The following ZNF385D variants were observed in gnomAD, a reference collection of about 807,000 sequenced individuals.
ZNF385D encodes the protein zinc finger protein 385D, also known as zinc finger protein 659.
A neutral mutation model predicts 35.8 loss-of-function variants in ZNF385D; 15 were observed. That is an observed-to-expected ratio of 0.42 (90% CI 0.28 to 0.64). The LOEUF (loss-of-function observed/expected upper bound fraction) is 0.64. ZNF385D is among the 30% of genes least tolerant of loss of function. ZNF385D has a pLI of 0.23. For missense variants in ZNF385D, 474 were observed against 494.6 expected (o/e 0.96, Z 0.39); for synonymous variants, 212 against 186.8 (o/e 1.13, Z -1.10).
chr3:22,027,079 C>T (rs1697602126), intron 3 of ZNF385D, among the ~76,000 whole-genome samples: 1 of 152,178 alleles, frequency 6.6e-6, no homozygotes, highest in Non-Finnish European at 1.5e-5. Context: ...AGCAATTTGC[C>T]TTCAGCTGGC....
intron 3 of ZNF385D, among the ~76,000 whole-genome samples, chr3:21,765,110 T>C (rs537145531): frequency 6.6e-6 from 1 of 152,202 alleles, no homozygotes; most frequent in South Asian, 2.1e-4. Flanking sequence ...TACAGTAGTA[T>C]TTTCATTAAA....
intron 3 of ZNF385D, among the ~76,000 whole-genome samples, chr3:21,929,986 A>G (rs1700921193): frequency 6.6e-6 from 1 of 152,102 alleles, no homozygotes. Context: ...GACCCAGAAT[A>G]GACAAAACAA....
chr3:21,978,080 T>C (rs892441378), intron 3 of ZNF385D: 4 of 152,140 alleles, frequency 2.6e-5, no homozygotes, highest in Non-Finnish European at 5.9e-5. Flanking sequence ...CAGTCTTCTC[T>C]TCCAGATAGA....
intron 3 of ZNF385D, among the ~76,000 whole-genome samples, chr3:21,557,517 C>G (rs2062784277): frequency 6.6e-6 from 1 of 152,142 alleles, no homozygotes; most frequent in African/African-American, 2.4e-5. Context: ...ATGAAGCTGA[C>G]TTGATCGTGG....
At chr3:22,327,108 AG>A (rs1694712828) in intron 2 of ZNF385D, among the ~76,000 whole-genome samples, 1 of 152,188 alleles carries the variant, frequency 6.6e-6, no homozygotes, top group African/African-American at 2.4e-5. Context: ...TATTGACTAA[AG>A]TGAATTCTGA....
intron 3 of ZNF385D, among the ~76,000 whole-genome samples, chr3:21,899,606 C>G (rs912764655): frequency 6.6e-6 from 1 of 152,116 alleles, no homozygotes; most frequent in South Asian, 2.1e-4. Flanking sequence ...TGTGAATAAA[C>G]ATTTATCAGT....
rs565977762 is a variant in ZNF385D, at chr3:21,430,016, A to G, written c.674-4346T>C. ...AAGGAAGGAAAGCTCTCTCAAATCT[A>G]CGTACCTGGAATGTGTAATTAGCAT... On this transcript the variant is annotated intron_variant, in intron 5 of 7. Coordinates refer to ENST00000281523, the MANE Select transcript of ZNF385D (RefSeq NM_024697.3). 2.0e-5 allele frequency among the ~76,000 whole-genome samples: 3 copies of G among 152,162 alleles called. No individual in the cohort carries two copies. In the South Asian group the frequency reaches 6.2e-4, roughly 32 times the overall value.
At chr3:21,745,480 C>A (rs1055327507) in intron 1 of ZNF385D, among the ~76,000 whole-genome samples, 1 of 152,114 alleles carries the variant, frequency 6.6e-6, no homozygotes, top group Non-Finnish European at 1.5e-5. Flanking sequence ...TTTAACGCTG[C>A]GACAGAGCAA....
intron 3 of ZNF385D, among the ~76,000 whole-genome samples, chr3:21,520,919 G>A (rs1707864457): frequency 6.6e-6 from 1 of 152,216 alleles, no homozygotes; most frequent in South Asian, 2.1e-4. Context: ...ATTGAGTATG[G>A]CATCATTAAC....
At chr3:21,435,537 T>C (rs1454477243) in intron 5 of ZNF385D, among the ~76,000 whole-genome samples, 5 of 152,042 alleles carry the variant, frequency 3.3e-5, no homozygotes, top group Non-Finnish European at 7.4e-5. Context: ...AGTGTTGAGA[T>C]TACAGGTGTA....
intron 3 of ZNF385D, among the ~76,000 whole-genome samples, chr3:22,090,435 T>C (rs569401574): frequency 3.9e-5 from 6 of 152,142 alleles, no homozygotes; most frequent in African/African-American, 1.2e-4. Flanking sequence ...CTTGACCTTA[T>C]GGTAATAATG....
chr3:22,108,053 G>A (rs890642333), intron 3 of ZNF385D, among the ~76,000 whole-genome samples: 1 of 151,586 alleles, frequency 6.6e-6, no homozygotes, highest in East Asian at 1.9e-4. Context: ...AGATGTCAGT[G>A]TATTGATCTT....
At chr3:22,290,870 T>C (rs1347820793) in intron 2 of ZNF385D, among the ~76,000 whole-genome samples, 1 of 152,156 alleles carries the variant, frequency 6.6e-6, no homozygotes, top group East Asian at 1.9e-4. Flanking sequence ...TTAATGGCTC[T>C]GTAGTATCCA....
chr3:21,832,412 G>C lies in ZNF385D; in HGVS notation c.326-167384C>G, dbSNP rs140257756. Among the ~76,000 whole-genome samples, 62 of 152,184 alleles carry C rather than the reference G, an allele frequency of 4.1e-4. 1 individual carries two copies. The highest frequency in any genetic ancestry group is 1.3e-3 in the African/African-American group (56 of 41,534). On this transcript the variant is annotated intron_variant, in intron 3 of 5. Transcript: ENST00000494108. ...AACAAATAATTTGAAAATTGCTAGGGCTTGCTGTGTGTTTATGAGTAGAAA... is the reference window on the plus strand; with the variant it reads ...AACAAATAATTTGAAAATTGCTAGGCCTTGCTGTGTGTTTATGAGTAGAAA...
chr3:21,816,525 A>G (rs1575705759), intron 3 of ZNF385D, among the ~76,000 whole-genome samples: 1 of 152,122 alleles, frequency 6.6e-6, no homozygotes, highest in Non-Finnish European at 1.5e-5. Context: ...AAGCATTCCT[A>G]TGCACCAATA....
intron 2 of ZNF385D, among the ~76,000 whole-genome samples, chr3:22,341,472 C>CAA (rs1695417140): frequency 6.6e-6 from 1 of 152,206 alleles, no homozygotes; most frequent in African/African-American, 2.4e-5. Context: ...CAACAACCTA[C>CAA]AAACCTCCTT....
At chr3:21,595,164 C>T (rs1348142611) in intron 2 of ZNF385D, among the ~76,000 whole-genome samples, 5 of 152,034 alleles carry the variant, frequency 3.3e-5, no homozygotes, top group African/African-American at 1.2e-4. Flanking sequence ...TCCATCAGAC[C>T]CCACCCAGTA....
At chr3:21,666,299 C>G (rs891201675) in intron 1 of ZNF385D, among the ~76,000 whole-genome samples, 1 of 152,134 alleles carries the variant, frequency 6.6e-6, no homozygotes, top group Admixed American at 6.6e-5. Context: ...TGACTTAGTA[C>G]CTATAACAGA....
intron 2 of ZNF385D, among the ~76,000 whole-genome samples, chr3:22,249,009 AC>A (rs1385515071): frequency 6.6e-6 from 1 of 152,096 alleles, no homozygotes; most frequent in Admixed American, 6.6e-5. Context: ...TAGCAGAGCC[AC>A]CTCTTATGTG....
Sources: allele counts gnomAD v4.1 joint callset (sites outside exome capture counted in the v4.1 genomes callset), GRCh38; gene constraint gnomAD v4.1.1; transcripts MANE v1.5; gene names NCBI Gene and HGNC (gene_info 2026-07-23, HGNC 2026-07-21).